The following SGCE variants were observed in gnomAD, a reference collection of about 807,000 sequenced individuals.
SGCE encodes the protein epsilon-sarcoglycan.
Under a neutral mutation model 57.8 loss-of-function variants are expected in SGCE, and 26 were observed. The ratio of observed to expected loss-of-function variants is 0.45; its 90% CI spans 0.33 to 0.62. The LOEUF (loss-of-function observed/expected upper bound fraction) is 0.62, where lower values mean the gene tolerates loss of function less well. Ranked by LOEUF, SGCE falls within the 20% of genes least tolerant of loss-of-function variation. SGCE has a pLI of 0.02. For missense variants in SGCE, 468 were observed against 548.6 expected (o/e 0.85, Z 1.47); for synonymous variants, 183 against 189.5 (o/e 0.97, Z 0.28).
At chr7:94,638,804 A>C (rs1393329018) in intron 1 of SGCE, among the ~76,000 whole-genome samples, 2 of 152,194 alleles carry the variant, frequency 1.3e-5, no homozygotes, top group Non-Finnish European at 2.9e-5. Context: ...ATACTGAAGA[A>C]AAATTTAGAA....
intron 1 of SGCE, among the ~76,000 whole-genome samples, chr7:94,641,131 A>G (rs1417701550): frequency 6.6e-6 from 1 of 152,224 alleles, no homozygotes; most frequent in East Asian, 1.9e-4. Flanking sequence ...ACATAAGCCA[A>G]CAGAAGAGAG....
intron 1 of SGCE, among the ~76,000 whole-genome samples, chr7:94,653,033 G>T (rs576307681): frequency 1.3e-5 from 2 of 152,270 alleles, no homozygotes; most frequent in East Asian, 1.9e-4. Context: ...ATAGCAAATT[G>T]TCATTAAAAA....
At chr7:94,595,443 TA>T (rs1480940088) in intron 9 of SGCE, among the ~76,000 whole-genome samples, 1 of 152,116 alleles carries the variant, frequency 6.6e-6, no homozygotes, top group African/African-American at 2.4e-5. Context: ...TTTGGCTAGC[TA>T]AAAATTGTTT....
intron 4 of SGCE, chr7:94,621,399 G>C (rs1048688205): frequency 6.6e-6 from 1 of 152,134 alleles, no homozygotes; most frequent in Non-Finnish European, 1.5e-5. Flanking sequence ...TTCCAAACCC[G>C]TTATTTAGAC....
chr7:94,593,408 T>A (rs923045696), intron 9 of SGCE, among the ~76,000 whole-genome samples: 3 of 151,940 alleles, frequency 2.0e-5, no homozygotes, highest in Non-Finnish European at 2.9e-5. Flanking sequence ...TCCAAAAAAA[T>A]CAATTGGTAT....
intron 1 of SGCE, among the ~76,000 whole-genome samples, chr7:94,643,061 T>C (rs891317044): frequency 1.3e-5 from 2 of 152,200 alleles, no homozygotes; most frequent in Admixed American, 1.3e-4. Context: ...CCAGGCAGCT[T>C]CTCTTTTGTT....
In SGCE at chr7:94,628,206, A is replaced by G. The variant is rs1554358639; in HGVS notation, c.386T>C (p.Ile129Thr). 6.2e-7 allele frequency: 1 copy of G among 1,610,404 alleles called. No homozygotes were observed. The highest frequency in any genetic ancestry group is 8.5e-7 in the Non-Finnish European group (1 of 1,177,716). The change falls in exon 3 of 11, where the codon ATT becomes ACT. Residue 129 changes from isoleucine (I) to threonine (T), a missense_variant. Ile to Thr is a moderately conservative substitution (Grantham distance 89, BLOSUM62 -1). Coordinates refer to ENST00000648936, the MANE Select transcript of SGCE (RefSeq NM_003919.3). ...TAENVGKPTI[I>T]EITAYNRRTF... ...CTCTTTCTAGGTGTAAATTACCTCA[A>G]TGATTGTTGGCTTCCCCACATTTTC...
rs1475224565 is a variant in SGCE, at chr7:94,628,365, T to G, written c.233-6A>C. The G allele has an allele frequency of 1.2e-6, 2 of 1,602,092 alleles. No individual in the cohort carries two copies. The highest frequency in any genetic ancestry group is 2.2e-5 in the South Asian group (2 of 90,736). On this transcript the variant is annotated splice_region_variant and splice_polypyrimidine_tract_variant and intron_variant, in intron 2 of 10. Coordinates refer to ENST00000648936, the MANE Select transcript of SGCE (RefSeq NM_003919.3). ...GGGATCATTACTAATCTCGCCTAGA[T>G]AAGAAACAGAGAATTAAGACATAAG...
intron 5 of SGCE, among the ~76,000 whole-genome samples, chr7:94,615,558 C>G (rs1321998839): frequency 6.6e-6 from 1 of 152,102 alleles, no homozygotes; most frequent in Non-Finnish European, 1.5e-5. Context: ...AGTATAACTT[C>G]TCACTGAGGC....
At chr7:94,645,951 A>AT (rs1562896613) in intron 1 of SGCE, among the ~76,000 whole-genome samples, 1 of 152,154 alleles carries the variant, frequency 6.6e-6, no homozygotes, top group Non-Finnish European at 1.5e-5. Flanking sequence ...CTGCACTCTC[A>AT]TTTTTTTCCA....
At chr7:94,644,157 C>T (rs1806753969) in intron 1 of SGCE, among the ~76,000 whole-genome samples, 1 of 152,248 alleles carries the variant, frequency 6.6e-6, no homozygotes, top group African/African-American at 2.4e-5. Context: ...GCTAAGAAGG[C>T]ATTCACACAA....
chr7:94,628,483 C>T (rs1804125559), intron 2 of SGCE, 124 bp from the exon 3 acceptor site: 1 of 687,374 alleles, frequency 1.5e-6, no homozygotes, highest in Non-Finnish European at 2.5e-6. Flanking sequence ...TAAATACACA[C>T]ATACAAAACC....
At chr7:94,647,113 C>G (rs1337279295) in intron 1 of SGCE, among the ~76,000 whole-genome samples, 2 of 152,160 alleles carry the variant, frequency 1.3e-5, no homozygotes, top group Non-Finnish European at 2.9e-5. Context: ...CATTTTAAGG[C>G]TACATCATTT....
intron 1 of SGCE, among the ~76,000 whole-genome samples, chr7:94,641,868 G>C (rs1281919035): frequency 1.3e-5 from 2 of 151,920 alleles, no homozygotes; most frequent in East Asian, 3.9e-4. Context: ...TAGAACTCCT[G>C]GGCTCAAGTA....
Position 94,603,400 on chromosome 7 carries a change from C to A in SGCE, c.715G>T (p.Val239Phe), listed in dbSNP as rs1280637900. Residue 239 changes from valine (V) to phenylalanine (F), a missense_variant, in exon 6 of 11, where the codon GTT becomes TTT. By Grantham distance (50) the Val-to-Phe change is conservative. Transcript: ENST00000648936. ...CTCAATTGATTCTGTGGATTTTCAA[C>A]TTCTCGTAAACAAGAAGAAAACGGG... ...DVPFSSCLRE[V>F]ENPQNQLRCS... is the part of the protein sequence containing the mutation. 1.2e-6 allele frequency: 2 copies of A among 1,613,366 alleles called. No individual in the cohort carries two copies. Among genetic ancestry groups the A allele is most frequent in the Non-Finnish European group, 1.7e-6 (2 of 1,179,508 alleles).
rs778474711 is a variant in SGCE at position 94,628,314 on chromosome 7, C to T, written c.278G>A (p.Gly93Asp). Reference protein sequence around the residue: ...DPITFNTNLMGYPDRPGWLRY... With the variant: ...DPITFNTNLMDYPDRPGWLRY... ...AAGCCATCCAGGTCGGTCTGGGTAA[C>T]CCATTAAATTTGTATTAAATGTTAT... Residue 93 changes from glycine (G) to aspartate (D), a missense_variant, in exon 3 of 11, where the codon GGT becomes GAT. Physicochemically the swap from Gly to Asp is moderately conservative, Grantham distance 94. Transcript: ENST00000648936. 3.1e-6 allele frequency: 5 copies of T among 1,611,294 alleles called. No individual in the cohort carries two copies. The highest frequency in any genetic ancestry group is 4.2e-6 in the Non-Finnish European group (5 of 1,178,134).
chr7:94,630,913 C>G (rs561808961), intron 1 of SGCE, among the ~76,000 whole-genome samples: 38 of 151,982 alleles, frequency 2.5e-4, no homozygotes, highest in African/African-American at 8.7e-4. Flanking sequence ...TTTTTCAGCA[C>G]AAAAATAAAA....
At chr7:94,605,275 T>C (rs948078177) in intron 5 of SGCE, among the ~76,000 whole-genome samples, 5 of 151,132 alleles carry the variant, frequency 3.3e-5, no homozygotes, top group African/African-American at 7.3e-5. Context: ...TTGCAAGAAA[T>C]GTTAAAATAA....
In SGCE at chr7:94,600,692, G is replaced by C; in HGVS notation, c.991C>G (p.Leu331Val). The C allele has an allele frequency of 5.6e-6, 9 of 1,613,788 alleles. No homozygotes were observed. Among genetic ancestry groups the C allele is most frequent in the Non-Finnish European group, 7.6e-6 (9 of 1,179,844 alleles). The change falls in exon 7 of 11, where the codon CTT becomes GTT. Residue 331 changes from leucine (L) to valine (V), a missense_variant. Coordinates refer to ENST00000648936, the MANE Select transcript of SGCE (RefSeq NM_003919.3). Reference sequence around the variant, plus strand: ...ATGATATAAGCAAGTATTAGAAAAAGGACCAGTGCCACTGCCGAGGGCACA... The same window carrying C: ...ATGATATAAGCAAGTATTAGAAAAACGACCAGTGCCACTGCCGAGGGCACA... Reference protein sequence around the residue: ...LAVPSAVALVLFLILAYIMCC... With the variant: ...LAVPSAVALVVFLILAYIMCC...
Sources: allele counts gnomAD v4.1 joint callset (sites outside exome capture counted in the v4.1 genomes callset), GRCh38; gene constraint gnomAD v4.1.1; transcripts MANE v1.5; gene names NCBI Gene and HGNC (gene_info 2026-07-23, HGNC 2026-07-21).